Variants in ASMTL observed in about 807,000 individuals in gnomAD.
ASMTL encodes acetylserotonin O-methyltransferase like, also known as probable bifunctional dTTP/UTP pyrophosphatase/methyltransferase protein.
A neutral mutation model predicts 60.3 loss-of-function variants in ASMTL; 57 were observed. The observed-to-expected ratio is 0.95, with a 90% CI of 0.76 to 1.18. ASMTL has a LOEUF of 1.18. Among genes scored for constraint, ASMTL ranks in the 50% most tolerant of loss-of-function variants. The pLI is 0.00. For missense variants in ASMTL, 981 were observed against 852.6 expected, an observed-to-expected ratio of 1.15 and a Z score of -1.88; for synonymous variants, 419 against 373.0, an observed-to-expected ratio of 1.12 and a Z score of -1.42.
chrX:1,420,039 G>GTCTCTA (rs368268715), intron 9 of ASMTL, among the ~76,000 whole-genome samples: 25,188 of 63,736 alleles, frequency 0.4, 2,258 homozygotes, highest in East Asian at 0.53. Flanking sequence ...CTCTGTCTCT[G>GTCTCTA]TCTCTATGTC....
chrX:1,434,489 C>CAAAAA (rs34994213), intron 5 of ASMTL, among the ~76,000 whole-genome samples: 2 of 113,874 alleles, frequency 1.8e-5, no homozygotes, highest in African/African-American at 3.3e-5. Flanking sequence ...GACCCTGTCT[C>CAAAAA]AAAAAAAAAA....
At chrX:1,430,339 A>C (rs1484388521) in intron 6 of ASMTL, among the ~76,000 whole-genome samples, 1 of 152,052 alleles carries the variant, frequency 6.6e-6, no homozygotes, top group Non-Finnish European at 1.5e-5. Flanking sequence ...TCCTTTGACC[A>C]AGTGCAACTG....
Position 1,416,591 on chromosome X carries a change from A to G in ASMTL, c.1522+1382T>C, listed in dbSNP as rs1307294567. ...CACACAGACGCAGACACACAGACAT[A>G]CACACATATACCCACACAGACGCAC... is the stretch of plus-strand genomic sequence containing the variant. On this transcript the variant is annotated intron_variant, in intron 11 of 12. Transcript: ENST00000381317. Among the ~76,000 whole-genome samples, 4 of 115,394 alleles carry G rather than the reference A, an allele frequency of 3.5e-5. No homozygotes were observed. In the East Asian group the frequency reaches 9.0e-4, roughly 26 times the overall value. 75.7% of individuals were successfully genotyped at this position (115,394 alleles called of 152,430 possible).
intron 7 of ASMTL, among the ~76,000 whole-genome samples, chrX:1,426,878 G>A (rs2090626385): frequency 6.6e-6 from 1 of 152,068 alleles, no homozygotes; most frequent in South Asian, 2.1e-4. Flanking sequence ...CCACAGTTAG[G>A]AGGCTGAGGC....
intron 7 of ASMTL, among the ~76,000 whole-genome samples, chrX:1,427,157 G>C (rs1248538616): frequency 6.6e-6 from 1 of 151,974 alleles, no homozygotes; most frequent in African/African-American, 2.4e-5. Context: ...AGAAGGCCAC[G>C]TGGAGACAAA....
chrX:1,446,431 C>T (rs1285409696), intron 1 of ASMTL, among the ~76,000 whole-genome samples: 1 of 152,042 alleles, frequency 6.6e-6, no homozygotes, highest in African/African-American at 2.4e-5. Flanking sequence ...TTTATTTCTA[C>T]ACTCTCATGC....
intron 11 of ASMTL, among the ~76,000 whole-genome samples, chrX:1,416,788 C>T (rs748641093): frequency 0.027 from 3,976 of 148,376 alleles, 180 homozygotes; most frequent in African/African-American, 0.094. Flanking sequence ...TACACACAAG[C>T]ACAGCAGTGA....
At chrX:1,452,943 C>G (rs1199386338), upstream of ASMTL, 2 of 904,170 alleles carry the variant, frequency 2.2e-6, no homozygotes, top group Non-Finnish European at 3.2e-6. Flanking sequence ...CCCGCCTCCG[C>G]GAGGCCACGC....
At chrX:1,410,727 T>A (rs1224751688) in intron 12 of ASMTL, among the ~76,000 whole-genome samples, 3 of 125,416 alleles carry the variant, frequency 2.4e-5, no homozygotes, top group Non-Finnish European at 5.1e-5. Flanking sequence ...AAAAACTTCT[T>A]AAAAAATTAG....
chrX:1,448,678 C>G (rs1233520822), intron 1 of ASMTL, among the ~76,000 whole-genome samples: 1 of 151,928 alleles, frequency 6.6e-6, no homozygotes, highest in African/African-American at 2.4e-5. Flanking sequence ...GACACACCAT[C>G]TTGGACACAC....
chrX:1,453,429 C>A (rs1329363394), upstream of ASMTL, among the ~76,000 whole-genome samples: 1 of 151,728 alleles, frequency 6.6e-6, no homozygotes, highest in Non-Finnish European at 1.5e-5. Context: ...CCGCCCCCGG[C>A]GCTCGCCCCG....
chrX:1,411,321 G>A (rs1251897617), intron 12 of ASMTL, among the ~76,000 whole-genome samples: 2 of 152,192 alleles, frequency 1.3e-5, no homozygotes, highest in Non-Finnish European at 2.9e-5. Flanking sequence ...CCCTGGCTCT[G>A]TGAAGATAAT....
intron 3 of ASMTL, among the ~76,000 whole-genome samples, chrX:1,438,086 T>G (rs1332871154): frequency 2.0e-5 from 3 of 149,214 alleles, no homozygotes; most frequent in Non-Finnish European, 3.0e-5. Flanking sequence ...GTCGGGAGTT[T>G]GAGACCAGCC....
chrX:1,425,320 TCTC>T (rs765263745), intron 8 of ASMTL, among the ~76,000 whole-genome samples: 68 of 152,322 alleles, frequency 4.5e-4, no homozygotes, highest in African/African-American at 1.5e-3. Context: ...AGGTCACGCT[TCTC>T]CTATGTGCTC....
intron 1 of ASMTL, among the ~76,000 whole-genome samples, chrX:1,450,342 C>G (rs1361690847): frequency 2.6e-5 from 4 of 151,826 alleles, no homozygotes; most frequent in Non-Finnish European, 5.9e-5. Context: ...AAAGTCCAAC[C>G]ATCAGTCACA....
Position 1,423,591 on chromosome X carries a change from T to G in ASMTL, c.1061-1749A>C, listed in dbSNP as rs1351690176. ...ATCCAGTTATCCACTCACCCACCCA[T>G]CTAGTCATCCACCCACCCATCTGCT... On this transcript the variant is annotated intron_variant, in intron 8 of 12. Coordinates refer to ENST00000381317, the MANE Select transcript of ASMTL (RefSeq NM_004192.4). 2.0e-5 allele frequency among the ~76,000 whole-genome samples: 3 copies of G among 149,112 alleles called. No homozygotes were observed. In the East Asian group the frequency reaches 6.0e-4, roughly 30 times the overall value.
At chrX:1,450,799 A>G (rs28972889) in intron 1 of ASMTL, among the ~76,000 whole-genome samples, 59,331 of 104,866 alleles carry the variant, frequency 0.57, 15,823 homozygotes, top group African/African-American at 0.71. Context: ...TAGGGGTCCC[A>G]GGTTACTTTC....
chrX:1,403,902 GAGA>G (rs2089689718), intron 12 of ASMTL, among the ~76,000 whole-genome samples: 1 of 152,088 alleles, frequency 6.6e-6, no homozygotes. Context: ...ATGCATGTAT[GAGA>G]TGGATGGATG....
At chrX:1,443,189 TGGACACACACTGCCATCTG>T (rs2091148837) in intron 1 of ASMTL, among the ~76,000 whole-genome samples, 1 of 150,752 alleles carries the variant, frequency 6.6e-6, no homozygotes, top group South Asian at 2.1e-4. Flanking sequence ...ACCGCCATCG[TGGACACACACTGCCATCTG>T]GGACACACAC....
Sources: allele counts gnomAD v4.1 joint callset (sites outside exome capture counted in the v4.1 genomes callset), GRCh38; gene constraint gnomAD v4.1.1; transcripts MANE v1.5; gene names NCBI Gene and HGNC (gene_info 2026-07-23, HGNC 2026-07-21).